Variants in ADAMTSL1 observed in about 807,000 individuals in gnomAD.
ADAMTSL1 encodes ADAMTS-like protein 1.
Under a neutral mutation model 201.8 loss-of-function variants are expected in ADAMTSL1, and 126 were observed. The ratio of observed to expected loss-of-function variants is 0.62; its 90% CI spans 0.54 to 0.72. The LOEUF is 0.72. Among genes scored for constraint, ADAMTSL1 ranks in the 30% least tolerant of loss-of-function variants. ADAMTSL1 has a pLI of 0.00. For synonymous variants in ADAMTSL1, 1,121 were observed against 903.4 expected (o/e 1.24, Z -4.32); for missense variants, 2,679 against 2,277.8 (o/e 1.18, Z -3.59).
At chr9:18,149,418 A>T (rs1826806481) in intron 1 of ADAMTSL1, among the ~76,000 whole-genome samples, 1 of 152,000 alleles carries the variant, frequency 6.6e-6, no homozygotes, top group Non-Finnish European at 1.5e-5. Context: ...CCAACAGAAA[A>T]GGCTTTGGGG....
intron 20 of ADAMTSL1, among the ~76,000 whole-genome samples, chr9:18,808,513 A>AG (rs1823300749): frequency 6.6e-6 from 1 of 152,248 alleles, no homozygotes; most frequent in Admixed American, 6.5e-5. Context: ...TAATTAATTA[A>AG]GGGCTGGATT....
intron 2 of ADAMTSL1, among the ~76,000 whole-genome samples, chr9:18,523,757 T>G (rs1467600729): frequency 7.1e-6 from 1 of 141,484 alleles, no homozygotes; most frequent in Non-Finnish European, 1.5e-5. Flanking sequence ...GTTGTAGATA[T>G]GCGGCGTTAT....
chr9:18,176,146 T>C (rs2132149179), intron 2 of ADAMTSL1, among the ~76,000 whole-genome samples: 2 of 152,240 alleles, frequency 1.3e-5, no homozygotes, highest in South Asian at 4.1e-4. Flanking sequence ...CAATTTGTTG[T>C]AGCGTGCTGC....
intron 2 of ADAMTSL1, among the ~76,000 whole-genome samples, chr9:18,428,188 T>C (rs554459750): frequency 3.9e-5 from 6 of 152,286 alleles, no homozygotes; most frequent in African/African-American, 1.4e-4. Flanking sequence ...GGCATTGTAT[T>C]TGGCCTTAAA....
At chr9:18,904,013 C>G (rs1830153713) in intron 26 of ADAMTSL1, among the ~76,000 whole-genome samples, 1 of 151,752 alleles carries the variant, frequency 6.6e-6, no homozygotes, top group Non-Finnish European at 1.5e-5. Context: ...GGCTGGAGTG[C>G]AGTGGCTATT....
chr9:18,074,584 T>C (rs1563984101), intron 1 of ADAMTSL1, among the ~76,000 whole-genome samples: 1 of 151,672 alleles, frequency 6.6e-6, no homozygotes, highest in South Asian at 2.1e-4. Flanking sequence ...TCTTTCTTTT[T>C]TTGTTGTTGT....
At chr9:18,733,665 T>C (rs567505694) in intron 15 of ADAMTSL1, among the ~76,000 whole-genome samples, 2 of 114,620 alleles carry the variant, frequency 1.7e-5, no homozygotes, top group South Asian at 6.1e-4. Flanking sequence ...ACTCTCTCTC[T>C]CTGCCCCCCA....
Position 18,889,684 on chromosome 9 carries a change from T to C in ADAMTSL1, c.4579T>C (p.Cys1527Arg). 6.3e-7 allele frequency: 1 copy of C among 1,595,432 alleles called. No individual in the cohort carries two copies. Among genetic ancestry groups the C allele is most frequent in the Non-Finnish European group, 8.5e-7 (1 of 1,170,556 alleles). The change falls in exon 25 of 29, where the codon TGC becomes CGC. Residue 1527 changes from cysteine to arginine, a missense_variant. Physicochemically the swap from Cys to Arg is radical, Grantham distance 180. Transcript: ENST00000380548. Reference sequence around the variant, plus strand: ...CAGCACGGAGGTCAACCCTGCCCACTGCGCAGGGAAGGTTCGCCCTGCGGT... The same window carrying C: ...CAGCACGGAGGTCAACCCTGCCCACCGCGCAGGGAAGGTTCGCCCTGCGGT... ...LNSTEVNPAH[C>R]AGKVRPAVQP...
intron 2 of ADAMTSL1, among the ~76,000 whole-genome samples, chr9:18,260,418 T>C (rs1157372878): frequency 6.6e-6 from 1 of 152,252 alleles, no homozygotes; most frequent in Non-Finnish European, 1.5e-5. Context: ...CAAACATGAC[T>C]GTCTCGGCTT....
At chr9:17,981,020 C>T (rs777993370) in intron 1 of ADAMTSL1, among the ~76,000 whole-genome samples, 20 of 152,122 alleles carry the variant, frequency 1.3e-4, no homozygotes, top group Admixed American at 3.3e-4. Context: ...CTCATTGCCA[C>T]GAGGATGGGA....
At chr9:18,074,009 G>T (rs1250376922) in intron 1 of ADAMTSL1, among the ~76,000 whole-genome samples, 1 of 151,972 alleles carries the variant, frequency 6.6e-6, no homozygotes, top group Admixed American at 6.6e-5. Context: ...AAGGGAGGCA[G>T]TGCAGGAGGA....
chr9:18,594,454 A>G (rs959751711), intron 4 of ADAMTSL1, among the ~76,000 whole-genome samples: 1 of 152,128 alleles, frequency 6.6e-6, no homozygotes. Context: ...TAACACCAGT[A>G]ACTCAAATAT....
At chr9:18,375,671 G>T (rs1416146666) in intron 2 of ADAMTSL1, among the ~76,000 whole-genome samples, 2 of 152,226 alleles carry the variant, frequency 1.3e-5, no homozygotes, top group African/African-American at 4.8e-5. Context: ...AGGTGGTGTG[G>T]ACCCAAAGAG....
intron 2 of ADAMTSL1, among the ~76,000 whole-genome samples, chr9:18,461,183 T>C (rs894201504): frequency 6.6e-6 from 1 of 152,192 alleles, no homozygotes; most frequent in Non-Finnish European, 1.5e-5. Flanking sequence ...TAAGTATTAG[T>C]TTTTACAGAT....
At chr9:18,372,723 A>G (rs1376891655) in intron 2 of ADAMTSL1, among the ~76,000 whole-genome samples, 1 of 152,200 alleles carries the variant, frequency 6.6e-6, no homozygotes, top group Non-Finnish European at 1.5e-5. Flanking sequence ...GCTCCCATCT[A>G]TCGTAGAGAT....
chr9:17,993,743 T>G (rs906004310), intron 1 of ADAMTSL1, among the ~76,000 whole-genome samples: 3 of 152,300 alleles, frequency 2.0e-5, no homozygotes, highest in African/African-American at 7.2e-5. Flanking sequence ...GTTAAAGAAA[T>G]TGGCTATTAC....
intron 2 of ADAMTSL1, among the ~76,000 whole-genome samples, chr9:18,303,563 C>T (rs1474064932): frequency 6.6e-6 from 1 of 152,110 alleles, no homozygotes; most frequent in Non-Finnish European, 1.5e-5. Flanking sequence ...GAGTGGGTTT[C>T]ATGTTTAAGC....
intron 1 of ADAMTSL1, among the ~76,000 whole-genome samples, chr9:18,127,007 A>G (rs1825758827): frequency 6.6e-6 from 1 of 152,152 alleles, no homozygotes; most frequent in Non-Finnish European, 1.5e-5. Context: ...GATCTTCCAA[A>G]CTGTGTGTCC....
intron 23 of ADAMTSL1, among the ~76,000 whole-genome samples, chr9:18,843,259 G>C (rs1288595988): frequency 6.6e-6 from 1 of 150,688 alleles, no homozygotes; most frequent in Non-Finnish European, 1.5e-5. Context: ...GCATTTGCTT[G>C]TCTGTAAAAT....
Sources: gnomAD v4.1 joint callset for allele counts (sites outside exome capture counted in the v4.1 genomes callset) on GRCh38, gnomAD v4.1.1 for gene constraint, MANE v1.5 for transcripts, NCBI Gene and HGNC (gene_info 2026-07-23, HGNC 2026-07-21) for gene names.